Variants in MARCHF1 observed in about 807,000 individuals in gnomAD.
MARCHF1 encodes E3 ubiquitin-protein ligase MARCHF1.
Under a neutral mutation model 54.2 loss-of-function variants are expected in MARCHF1, and 40 were observed. The ratio of observed to expected loss-of-function variants is 0.74; its 90% CI spans 0.57 to 0.96. MARCHF1 has a LOEUF of 0.96. Among genes scored for constraint, MARCHF1 ranks in the 40% least tolerant of loss-of-function variants. The pLI, the probability that MARCHF1 is intolerant of heterozygous loss-of-function variation, is 0.00. For synonymous variants in MARCHF1, 236 were observed against 236.3 expected (o/e 1.00, Z 0.01); for missense variants, 586 against 656.5 (o/e 0.89, Z 1.17).
In MARCHF1 at chr4:164,215,805, C is replaced by T. The variant is rs72987774; in HGVS notation, c.-322-104143G>A. On this transcript the variant is annotated intron_variant, in intron 1 of 9. Coordinates refer to ENST00000514618, the MANE Select transcript of MARCHF1 (RefSeq NM_001394959.1). The stretch of plus-strand genomic sequence containing the variant: ...AGTCCTAAAGAACTATATTACATTC[C>T]CAGTGATGAGTTGTGAAGGTGAAAT... 5.6e-3 allele frequency among the ~76,000 whole-genome samples: 854 copies of T among 152,188 alleles called. 10 individuals carry two copies. The highest frequency in any genetic ancestry group is 0.02 in the African/African-American group (826 of 41,522).
intron 5 of MARCHF1, among the ~76,000 whole-genome samples, chr4:163,634,829 T>C (rs1483523822): frequency 1.4e-5 from 2 of 140,640 alleles, no homozygotes; most frequent in African/African-American, 5.6e-5. Context: ...TATTCCAAAA[T>C]TGACCACATA....
Position 164,188,839 on chromosome 4 carries a change from A to G in MARCHF1, c.-322-77177T>C. 7.1e-5 allele frequency: 56 copies of G among 788,320 alleles called. 2 individuals carry two copies. Among genetic ancestry groups the G allele is most frequent in the South Asian group, 6.7e-4 (50 of 74,704 alleles). 48.8% of individuals were successfully genotyped at this position (788,320 alleles called of 1,614,324 possible). A position where few individuals can be genotyped will look rare whatever the true frequency, so the allele number is the denominator to read the frequency against. On this transcript the variant is annotated intron_variant, in intron 1 of 9. Coordinates refer to ENST00000514618, the MANE Select transcript of MARCHF1 (RefSeq NM_001394959.1). ...CTGCCATGGTTCTCACTAAAATGCA[A>G]TAAACCGCTGAGGCTTATTTGAGAA...
Position 163,585,940 on chromosome 4 carries a change from A to C in MARCHF1, c.1011-11T>G, listed in dbSNP as rs953821666. The C allele has an allele frequency of 8.8e-6, 14 of 1,595,938 alleles. No homozygotes were observed. The highest frequency in any genetic ancestry group is 1.2e-5 in the Non-Finnish European group (14 of 1,171,324). On this transcript the variant is annotated splice_polypyrimidine_tract_variant and intron_variant, in intron 7 of 9. Coordinates refer to ENST00000514618, the MANE Select transcript of MARCHF1 (RefSeq NM_001394959.1). ...TCGCAGTGACAGATTCTGCAGAAAGACACAGCAGCCAGTATGAGATCTCCC... is the reference window on the plus strand; with the variant it reads ...TCGCAGTGACAGATTCTGCAGAAAGCCACAGCAGCCAGTATGAGATCTCCC...
chr4:164,376,452 A>G (rs1425406124), intron 1 of MARCHF1, among the ~76,000 whole-genome samples: 1 of 152,210 alleles, frequency 6.6e-6, no homozygotes, highest in Non-Finnish European at 1.5e-5. Flanking sequence ...TCAAAAGCAG[A>G]GTCTGAACTA....
intron 3 of MARCHF1, among the ~76,000 whole-genome samples, chr4:163,855,784 G>A (rs1197369139): frequency 1.3e-5 from 2 of 152,164 alleles, no homozygotes; most frequent in Non-Finnish European, 2.9e-5. Context: ...ATTCTGAGAT[G>A]TGTTTGTAAA....
chr4:164,263,576 G>C (rs1194630216), intron 1 of MARCHF1, among the ~76,000 whole-genome samples: 1 of 151,336 alleles, frequency 6.6e-6, no homozygotes, highest in African/African-American at 2.4e-5. Context: ...GCTTTTTAAA[G>C]TGAAAAACCA....
intron 7 of MARCHF1, among the ~76,000 whole-genome samples, chr4:163,589,128 A>T (rs906081272): frequency 5.9e-5 from 9 of 151,738 alleles, no homozygotes; most frequent in African/African-American, 2.2e-4. Context: ...CTAAAAAAAG[A>T]TTGTGTCAAA....
chr4:164,323,732 A>C (rs1735203440), intron 1 of MARCHF1, among the ~76,000 whole-genome samples: 1 of 151,688 alleles, frequency 6.6e-6, no homozygotes, highest in Admixed American at 6.6e-5. Flanking sequence ...AGTAAATTTC[A>C]AAGTGACAGG....
intron 4 of MARCHF1, among the ~76,000 whole-genome samples, chr4:163,849,080 A>T (rs983132367): frequency 2.6e-5 from 4 of 152,310 alleles, no homozygotes; most frequent in South Asian, 4.1e-4. Context: ...TTAGTCAAAT[A>T]TGTACAATCC....
chr4:163,957,672 CTATT>C (rs1752257356), intron 3 of MARCHF1, among the ~76,000 whole-genome samples: 1 of 151,910 alleles, frequency 6.6e-6, no homozygotes. Context: ...GGAAATAGCT[CTATT>C]TGTCAGTCAT....
intron 1 of MARCHF1, among the ~76,000 whole-genome samples, chr4:164,231,422 CT>C (rs1212224215): frequency 1.3e-5 from 2 of 152,042 alleles, no homozygotes; most frequent in Non-Finnish European, 2.9e-5. Flanking sequence ...AGGTTATAAT[CT>C]TTTCCCCTTG....
intron 7 of MARCHF1, among the ~76,000 whole-genome samples, chr4:163,594,727 G>A (rs1213240112): frequency 2.0e-5 from 3 of 146,738 alleles, no homozygotes; most frequent in Non-Finnish European, 3.0e-5. Context: ...ATGTCACCTC[G>A]CACCCATCAG....
At position 163,525,802 on chromosome 4, in the gene MARCHF1, T is replaced by TAGTC. The variant is rs768754139; in HGVS notation, c.*2942_*2945dup. The TAGTC allele has an allele frequency of 6.6e-6, 1 of 152,096 alleles. No individual in the cohort carries two copies. Among genetic ancestry groups the TAGTC allele is most frequent in the Non-Finnish European group, 1.5e-5 (1 of 67,992 alleles). The allele number at this position is 152,096 out of a possible 1,614,324, so 9.4% of individuals were successfully genotyped here. ...GAGCAGTTTTTCTTTTTGAAGGGTA[T>TAGTC]AGTCAGTCAGTCTACAAAAAAGCAC... On this transcript the variant is annotated 3_prime_UTR_variant, in exon 10 of 10. Transcript: ENST00000514618.
chr4:163,949,909 G>C (rs1422013725), intron 3 of MARCHF1, among the ~76,000 whole-genome samples: 3 of 152,164 alleles, frequency 2.0e-5, no homozygotes, highest in Non-Finnish European at 4.4e-5. Flanking sequence ...GCTCTCAGCA[G>C]AGAGGAGACC....
chr4:163,706,212 G>A (rs1744944398), intron 4 of MARCHF1, among the ~76,000 whole-genome samples: 1 of 151,954 alleles, frequency 6.6e-6, no homozygotes, highest in Non-Finnish European at 1.5e-5. Context: ...TTTCTTACAT[G>A]CTTTTTTCCT....
intron 1 of MARCHF1, among the ~76,000 whole-genome samples, chr4:164,341,954 AG>A (rs145918255): frequency 1.2e-3 from 188 of 152,370 alleles, no homozygotes; most frequent in African/African-American, 4.4e-3. Context: ...AAAGAAATTA[AG>A]GAAACAGTCA....
chr4:163,938,802 C>T lies in MARCHF1; in HGVS notation c.-39+49699G>A, dbSNP rs530978516. Reference sequence around the variant, plus strand: ...TTTATATTGTGGCAGCAAGGAGAAGCGCAGAGTGAAGCAGGAAGCAGGGAA... The same window carrying T: ...TTTATATTGTGGCAGCAAGGAGAAGTGCAGAGTGAAGCAGGAAGCAGGGAA... On this transcript the variant is annotated intron_variant, in intron 3 of 9. Coordinates refer to ENST00000514618, the MANE Select transcript of MARCHF1 (RefSeq NM_001394959.1). Among the ~76,000 whole-genome samples, 10 of 152,116 alleles carry T rather than the reference C, an allele frequency of 6.6e-5. 1 individual carries two copies. In the South Asian group the frequency reaches 8.3e-4, roughly 13 times the overall value.
chr4:164,296,846 A>G (rs1257426375), intron 1 of MARCHF1, among the ~76,000 whole-genome samples: 1 of 152,178 alleles, frequency 6.6e-6, no homozygotes, highest in Non-Finnish European at 1.5e-5. Context: ...AGATGGAACC[A>G]AGAAGCCAGG....
At position 164,103,793 on chromosome 4, in the gene MARCHF1, C is replaced by CA. The variant is rs1183667805; in HGVS notation, c.-248+7794dup. The stretch of plus-strand genomic sequence containing the variant: ...AGCAGAACTGAAGGAAATAGAGACA[C>CA]AAAAAACCCTTCAAAAAATTAATGA... On this transcript the variant is annotated intron_variant, in intron 2 of 9. Transcript: ENST00000514618. Among the ~76,000 whole-genome samples, 16 of 113,182 alleles carry CA rather than the reference C, an allele frequency of 1.4e-4. No homozygotes were observed. In the East Asian group the frequency reaches 3.2e-3, roughly 23 times the overall value. The allele number at this position is 113,182 out of a possible 152,430, so 74.3% of individuals were successfully genotyped here.
Sources: gnomAD v4.1 joint callset for allele counts (sites outside exome capture counted in the v4.1 genomes callset) on GRCh38, gnomAD v4.1.1 for gene constraint, MANE v1.5 for transcripts, NCBI Gene and HGNC (gene_info 2026-07-23, HGNC 2026-07-21) for gene names.